Variants in IGFBP7 observed in about 807,000 individuals in gnomAD.
IGFBP7 encodes insulin like growth factor binding protein 7.
IGFBP7 carries 31 observed loss-of-function variants against 29.4 expected under a neutral mutation model. The observed-to-expected ratio is 1.05, with a 90% CI of 0.79 to 1.42. The LOEUF is 1.42. Among genes scored for constraint, IGFBP7 ranks in the 40% most tolerant of loss-of-function variants. The pLI, the probability that IGFBP7 is intolerant of heterozygous loss-of-function variation, is 0.00. For synonymous variants in IGFBP7, 172 were observed against 174.9 expected, an observed-to-expected ratio of 0.98 and a Z score of 0.13; for missense variants, 393 against 395.5, an observed-to-expected ratio of 0.99 and a Z score of 0.05.
At chr4:57,089,018 T>C (rs61274970) in intron 1 of IGFBP7, among the ~76,000 whole-genome samples, 2,482 of 124,230 alleles carry the variant, frequency 0.02, 68 homozygotes, top group African/African-American at 0.066. Flanking sequence ...AGCAACAGAG[T>C]GAGACTCTGT....
At chr4:57,033,386 A>T in intron 2 of IGFBP7, 75 bp from the exon 3 acceptor site, 1 of 908,406 alleles carries the variant, frequency 1.1e-6, no homozygotes, top group South Asian at 1.3e-5. Context: ...ACATCCCTAC[A>T]ATTGCACATA....
At chr4:57,040,617 A>T (rs3755903) in intron 2 of IGFBP7, among the ~76,000 whole-genome samples, 7,728 of 152,284 alleles carry the variant, frequency 0.051, 265 homozygotes, top group East Asian at 0.16. Flanking sequence ...AGTTTCTCAG[A>T]TTCTAGGATG....
At chr4:57,105,468 C>G (rs1178733238) in intron 1 of IGFBP7, among the ~76,000 whole-genome samples, 1 of 152,218 alleles carries the variant, frequency 6.6e-6, no homozygotes, top group Non-Finnish European at 1.5e-5. Context: ...CAAAATCTCC[C>G]TTCCCACCTG....
chr4:57,060,305 G>T (rs992545041), intron 1 of IGFBP7, among the ~76,000 whole-genome samples: 6 of 152,260 alleles, frequency 3.9e-5, no homozygotes, highest in African/African-American at 1.4e-4. Flanking sequence ...ACAGGAAGAA[G>T]GTCAGAGTAA....
chr4:57,060,723 G>T (rs565412985), intron 1 of IGFBP7, among the ~76,000 whole-genome samples: 1 of 152,104 alleles, frequency 6.6e-6, no homozygotes, highest in African/African-American at 2.4e-5. Flanking sequence ...CAGCCTGGGA[G>T]CCTGGGCAAT....
At chr4:57,100,537 C>T (rs1725871931) in intron 1 of IGFBP7, among the ~76,000 whole-genome samples, 1 of 152,192 alleles carries the variant, frequency 6.6e-6, no homozygotes, top group Non-Finnish European at 1.5e-5. Context: ...TCAACTCTGA[C>T]ATAAACTTTG....
intron 1 of IGFBP7, among the ~76,000 whole-genome samples, chr4:57,085,460 C>A (rs1725475633): frequency 1.3e-5 from 2 of 151,520 alleles, no homozygotes; most frequent in East Asian, 3.9e-4. Flanking sequence ...CTTTTGGTTT[C>A]ATTTCTGAAA....
At chr4:57,087,760 C>T (rs1160783998) in intron 1 of IGFBP7, among the ~76,000 whole-genome samples, 1 of 152,316 alleles carries the variant, frequency 6.6e-6, no homozygotes. Flanking sequence ...ATAACCCTAA[C>T]CCTAATCCTT....
At chr4:57,101,768 G>C (rs1336945773) in intron 1 of IGFBP7, among the ~76,000 whole-genome samples, 1 of 145,934 alleles carries the variant, frequency 6.9e-6, no homozygotes. Context: ...AGACGGTCTT[G>C]ATTGACCTGG....
chr4:57,109,870 T>A lies in IGFBP7; in HGVS notation c.475+7A>T. ...GCAGGGTTGGAGAGGGAAGCGCTCG[T>A]GCCCACCTTGCTCGCAGGTGCCCTT... On this transcript the variant is annotated splice_region_variant and intron_variant, in intron 1 of 4. Transcript: ENST00000295666. 1 of 1,538,634 alleles carries A rather than the reference T, an allele frequency of 6.5e-7. No individual in the cohort carries two copies. The highest frequency in any genetic ancestry group is 8.7e-7 in the Non-Finnish European group (1 of 1,148,292).
At chr4:57,085,340 G>A (rs2109789899) in intron 1 of IGFBP7, among the ~76,000 whole-genome samples, 1 of 152,154 alleles carries the variant, frequency 6.6e-6, no homozygotes, top group East Asian at 1.9e-4. Flanking sequence ...TATCTTCAGT[G>A]GTTGCTGCTT....
At chr4:57,034,381 T>C (rs1329703769) in intron 2 of IGFBP7, among the ~76,000 whole-genome samples, 1 of 152,110 alleles carries the variant, frequency 6.6e-6, no homozygotes, top group Non-Finnish European at 1.5e-5. Context: ...ACGAATTGTT[T>C]GTTCATTCCA....
chr4:57,095,519 A>AC (rs1725740189), intron 1 of IGFBP7, among the ~76,000 whole-genome samples: 1 of 152,226 alleles, frequency 6.6e-6, no homozygotes, highest in African/African-American at 2.4e-5. Context: ...AACTTAAAAT[A>AC]CATTAAGTCA....
At chr4:57,080,196 G>A (rs1032641315) in intron 1 of IGFBP7, among the ~76,000 whole-genome samples, 5 of 152,210 alleles carry the variant, frequency 3.3e-5, no homozygotes, top group Non-Finnish European at 5.9e-5. Flanking sequence ...AAGTGAATGA[G>A]ATTTCTGAAG....
intron 4 of IGFBP7, chr4:57,032,131 G>T (rs916371883): frequency 1.3e-5 from 5 of 384,072 alleles, no homozygotes; most frequent in African/African-American, 1.0e-4. Flanking sequence ...AAAATGCCAA[G>T]TAGATAGGTA....
intron 1 of IGFBP7, chr4:57,073,064 C>A (rs1725097258): frequency 2.8e-6 from 4 of 1,448,694 alleles, no homozygotes; most frequent in Non-Finnish European, 3.9e-6. Context: ...GCTCTGGAAA[C>A]CCCCCACAGC....
At chr4:57,037,985 TC>T (rs1162277373) in intron 2 of IGFBP7, among the ~76,000 whole-genome samples, 1 of 152,226 alleles carries the variant, frequency 6.6e-6, no homozygotes, top group African/African-American at 2.4e-5. Flanking sequence ...TGCTCCGCCT[TC>T]CTCTTAAAAA....
At chr4:57,074,885 C>A (rs1725183040) in intron 1 of IGFBP7, among the ~76,000 whole-genome samples, 1 of 152,174 alleles carries the variant, frequency 6.6e-6, no homozygotes, top group African/African-American at 2.4e-5. Context: ...CACTAGGCAC[C>A]CTCAGGGTGG....
In IGFBP7 at chr4:57,057,741, T is replaced by C. The variant is rs184671800; in HGVS notation, c.476-16808A>G. ...ACTTCAAAGATAATGAATGGATCTC[T>C]GAACTTGGCTAAGGCAGCAGACTTC... On this transcript the variant is annotated intron_variant, in intron 1 of 4. Transcript: ENST00000295666. 3.3e-5 allele frequency among the ~76,000 whole-genome samples: 5 copies of C among 152,310 alleles called. No individual in the cohort carries two copies. In the East Asian group the frequency reaches 9.7e-4, roughly 29 times the overall value.
Sources: allele counts gnomAD v4.1 joint callset (sites outside exome capture counted in the v4.1 genomes callset), GRCh38; gene constraint gnomAD v4.1.1; transcripts MANE v1.5; gene names NCBI Gene and HGNC (gene_info 2026-07-23, HGNC 2026-07-21).